HEATR4: variants seen among roughly 807,000 people sequenced by gnomAD.
HEATR4 encodes HEAT repeat-containing protein 4.
A neutral mutation model predicts 108.8 loss-of-function variants in HEATR4; 95 were observed. The ratio of observed to expected loss-of-function variants is 0.87; its 90% CI spans 0.74 to 1.04. The LOEUF (loss-of-function observed/expected upper bound fraction) is 1.04. Ranked by LOEUF, HEATR4 falls within the 50% of genes least tolerant of loss-of-function variation. HEATR4 has a pLI of 0.00. For synonymous variants in HEATR4, 443 were observed against 459.4 expected (o/e 0.96, Z 0.46); for missense variants, 1,152 against 1,253.8 (o/e 0.92, Z 1.23).
chr14:73,526,016 G>A (rs1383221205), intron 2 of HEATR4, among the ~76,000 whole-genome samples: 1 of 151,778 alleles, frequency 6.6e-6, no homozygotes, highest in African/African-American at 2.4e-5. Context: ...ACAGTACCTG[G>A]TTTTCACATC....
Position 73,553,565 on chromosome 14 carries a change from T to C in HEATR4, c.-152+5186A>G, listed in dbSNP as rs2140320728. On this transcript the variant is annotated intron_variant, in intron 1 of 17. Transcript: ENST00000553558. ...CACATTGGGTATTAGGTTTGTTAAA[T>C]AAAAATTATTGCTGTGGAGGATACA... Among the ~76,000 whole-genome samples, 2 of 114,280 alleles carry C rather than the reference T, an allele frequency of 1.8e-5. 1 individual carries two copies. Among genetic ancestry groups the C allele is most frequent in the African/African-American group, 5.6e-5 (2 of 35,508 alleles). The allele number at this position is 114,280 out of a possible 152,430, so 75.0% of individuals were successfully genotyped here.
the HEATR4 span, among the ~76,000 whole-genome samples, chr14:73,610,384 G>T: frequency 6.8e-6 from 1 of 146,822 alleles, no homozygotes; most frequent in Non-Finnish European, 1.5e-5. Flanking sequence ...ACCACCTCCC[G>T]GGTTCAAGCA....
intron 4 of HEATR4, chr14:73,520,325 C>T (rs1041013512): frequency 6.5e-6 from 1 of 152,892 alleles, no homozygotes; most frequent in African/African-American, 2.4e-5. Context: ...GATGCTTTCT[C>T]ATCTACTCTA....
the HEATR4 span, among the ~76,000 whole-genome samples, chr14:73,585,580 G>C: frequency 6.6e-6 from 1 of 151,732 alleles, no homozygotes; most frequent in South Asian, 2.1e-4. Flanking sequence ...TCCCAGCTAC[G>C]GGGGAGGCTG....
the HEATR4 span, among the ~76,000 whole-genome samples, chr14:73,605,339 C>T: frequency 6.6e-6 from 1 of 152,160 alleles, no homozygotes; most frequent in African/African-American, 2.4e-5. Context: ...TAACCGACTC[C>T]ACCTTGCTTC....
the HEATR4 span, among the ~76,000 whole-genome samples, chr14:73,628,753 C>CAAA: frequency 1.3e-3 from 166 of 126,558 alleles, no homozygotes; most frequent in African/African-American, 4.6e-3. Flanking sequence ...AACTCCATCT[C>CAAA]AAAAAAAAAA....
At chr14:73,509,289 A>G (rs762791528) in intron 8 of HEATR4, 23 bp downstream of exon 8, 1 of 1,609,422 alleles carries the variant, frequency 6.2e-7, no homozygotes, top group Non-Finnish European at 8.5e-7. Flanking sequence ...TTTCCAGGTC[A>G]GAAGTAACAG....
At chr14:73,619,920 T>C in the HEATR4 span, 4 of 312,580 alleles carry the variant, frequency 1.3e-5, no homozygotes, top group East Asian at 1.1e-4. Flanking sequence ...TTCTTTTCTC[T>C]TTTTTTTTTT....
At chr14:73,491,828 C>G (rs1027344120) in intron 17 of HEATR4, 2 of 1,606,882 alleles carry the variant, frequency 1.2e-6, no homozygotes, top group Non-Finnish European at 1.7e-6. Context: ...CATCAACGGA[C>G]GACGCGAGAC....
In HEATR4 at chr14:73,492,815, G is replaced by A. The variant is rs750383577; in HGVS notation, c.2844+251C>T. On this transcript the variant is annotated intron_variant, in intron 17 of 17. Coordinates refer to ENST00000553558, the MANE Select transcript of HEATR4 (RefSeq NM_001220484.1). The surrounding 1 kb of genome is among the most constrained non-coding windows in gnomAD (Gnocchi z 4.9). Reference sequence around the variant, plus strand: ...AGCTGATGCCATGGAACTGTTGCTTGGTTCTTATCCAGAGTTTGTGAGAGT... The same window carrying A: ...AGCTGATGCCATGGAACTGTTGCTTAGTTCTTATCCAGAGTTTGTGAGAGT... 3 of 1,613,922 alleles carry A rather than the reference G, an allele frequency of 1.9e-6. No individual in the cohort carries two copies. The highest frequency in any genetic ancestry group is 2.5e-6 in the Non-Finnish European group (3 of 1,179,884).
the HEATR4 span, among the ~76,000 whole-genome samples, chr14:73,626,656 T>C: frequency 6.8e-6 from 1 of 147,084 alleles, no homozygotes. Flanking sequence ...AGTGAGACCC[T>C]GTCTTAAAAA....
chr14:73,586,314 A>C, the HEATR4 span, among the ~76,000 whole-genome samples: 2 of 152,084 alleles, frequency 1.3e-5, no homozygotes, highest in Non-Finnish European at 2.9e-5. Flanking sequence ...GAATCACTTG[A>C]ACCCCGGAGG....
the HEATR4 span, among the ~76,000 whole-genome samples, chr14:73,564,298 GAA>G: frequency 7.3e-6 from 1 of 137,078 alleles, no homozygotes. Context: ...ACTCTGTCTT[GAA>G]AAAAAAAAAA....
the HEATR4 span, among the ~76,000 whole-genome samples, chr14:73,587,870 ACATATTTTATGTCAAAT>A: frequency 6.6e-6 from 1 of 152,232 alleles, no homozygotes; most frequent in Non-Finnish European, 1.5e-5. Flanking sequence ...GTTTTCCAAC[ACATATTTTATGTCAAAT>A]TGTGTTCAAA....
At chr14:73,507,760 T>C (rs1886946088) in intron 9 of HEATR4, among the ~76,000 whole-genome samples, 1 of 152,050 alleles carries the variant, frequency 6.6e-6, no homozygotes, top group Non-Finnish European at 1.5e-5. Context: ...TTTATTTGTT[T>C]GAGACAGAGT....
At chr14:73,528,078 T>C (rs939765483) in intron 2 of HEATR4, among the ~76,000 whole-genome samples, 23 of 149,726 alleles carry the variant, frequency 1.5e-4, no homozygotes, top group Non-Finnish European at 7.4e-5. Flanking sequence ...AAGAATACCA[T>C]ATTACCATTA....
intron 15 of HEATR4, among the ~76,000 whole-genome samples, chr14:73,496,313 A>AT (rs1266712597): frequency 3.9e-5 from 6 of 152,134 alleles, no homozygotes; most frequent in African/African-American, 1.4e-4. Flanking sequence ...TTTGGGGTTG[A>AT]TGGGGAGAAA....
chr14:73,628,707 C>T, the HEATR4 span, among the ~76,000 whole-genome samples: 6 of 148,606 alleles, frequency 4.0e-5, no homozygotes, highest in Non-Finnish European at 5.9e-5. Flanking sequence ...GAGCTGAGAT[C>T]GGGCCATTGC....
Position 73,557,154 on chromosome 14 carries a change from C to A in HEATR4, c.-152+1597G>T, listed in dbSNP as rs1235374275. ...AGACCAGGCCCTGGAATGAGCAACC[C>A]ACCAGCATTATCTGCATTTCTAGGA... On this transcript the variant is annotated intron_variant, in intron 1 of 17. Coordinates refer to ENST00000553558, the MANE Select transcript of HEATR4 (RefSeq NM_001220484.1). Among the ~76,000 whole-genome samples the A allele has an allele frequency of 1.8e-5, 2 of 113,096 alleles. 1 individual carries two copies. Among genetic ancestry groups the A allele is most frequent in the African/African-American group, 5.7e-5 (2 of 34,944 alleles). The allele number at this position is 113,096 out of a possible 152,430, so 74.2% of individuals were successfully genotyped here.
Sources: gnomAD v4.1 joint callset for allele counts (sites outside exome capture counted in the v4.1 genomes callset) on GRCh38, gnomAD v4.1.1 for gene constraint, Gnocchi (gnomAD v3.1) non-coding constraint, MANE v1.5 for transcripts, NCBI Gene and HGNC (gene_info 2026-07-23, HGNC 2026-07-21) for gene names.